Variants in AVEN observed in about 807,000 individuals in gnomAD.
The protein encoded by AVEN is cell death regulator Aven.
In AVEN, 41 loss-of-function variants were observed where a neutral mutation model predicts 38.1. The ratio of observed to expected loss-of-function variants is 1.08; its 90% CI spans 0.84 to 1.40. The LOEUF (loss-of-function observed/expected upper bound fraction) is 1.40, where lower values mean the gene tolerates loss of function less well. Ranked by LOEUF, AVEN falls within the 40% of genes most tolerant of loss-of-function variation. The pLI, the probability that AVEN is intolerant of heterozygous loss-of-function variation, is 0.00. For synonymous variants in AVEN, 206 were observed against 171.8 expected, an observed-to-expected ratio of 1.20 and a Z score of -1.56; for missense variants, 605 against 438.8, an observed-to-expected ratio of 1.38 and a Z score of -3.38.
chr15:34,007,776 A>T (rs1280924793), intron 1 of AVEN, among the ~76,000 whole-genome samples: 2 of 152,186 alleles, frequency 1.3e-5, no homozygotes, highest in Admixed American at 6.5e-5. Context: ...GAAATCTGAA[A>T]TCTGGGTATT....
At chr15:33,908,192 T>C (rs532513993) in intron 2 of AVEN, among the ~76,000 whole-genome samples, 44 of 152,332 alleles carry the variant, frequency 2.9e-4, no homozygotes, top group African/African-American at 1.0e-3. Flanking sequence ...CCACTATCTG[T>C]CCCTAGAACT....
intron 1 of AVEN, among the ~76,000 whole-genome samples, chr15:34,019,818 T>C (rs1049136091): frequency 3.9e-5 from 6 of 152,220 alleles, no homozygotes; most frequent in South Asian, 2.1e-4. Context: ...CTCTATGGTA[T>C]TGCACAATGA....
chr15:33,965,666 T>C (rs1053375004), intron 2 of AVEN, among the ~76,000 whole-genome samples: 1 of 152,066 alleles, frequency 6.6e-6, no homozygotes, highest in African/African-American at 2.4e-5. Context: ...TGAGAATACA[T>C]AGAGTTGTAA....
Position 33,875,980 on chromosome 15 carries a change from T to C in AVEN, c.461A>G (p.Gln154Arg), listed in dbSNP as rs764388449. 1.2e-6 allele frequency: 2 copies of C among 1,613,132 alleles called. No homozygotes were observed. Among genetic ancestry groups the C allele is most frequent in the Admixed American group, 1.7e-5 (1 of 59,978 alleles). Residue 154 changes from glutamine to arginine, a missense_variant, in exon 3 of 6, where the codon CAG becomes CGG. Physicochemically the swap from Gln to Arg is conservative, Grantham distance 43. Transcript: ENST00000306730. ...LLSSAGDSFS[Q>R]FRFAEEKEWD... ...TTCTTTCTCCTCAGCAAACCGGAAC[T>C]GTGAGAATGAGTCCCCTAGGAATAG... is the stretch of plus-strand genomic sequence containing the variant.
At chr15:34,053,319 A>AT (rs1555520677) in intron 5 of AVEN, among the ~76,000 whole-genome samples, 601 of 41,892 alleles carry the variant, frequency 0.014, 1 homozygote, top group Middle Eastern at 0.043. Flanking sequence ...AAAAAAAAAA[A>AT]ATATATATAT....
At chr15:34,015,506 T>A (rs374379841) in intron 1 of AVEN, among the ~76,000 whole-genome samples, 3 of 151,956 alleles carry the variant, frequency 2.0e-5, no homozygotes, top group African/African-American at 7.3e-5. Context: ...AATAAAAAAA[T>A]TCCACAAAAT....
At chr15:34,031,647 A>G (rs1031523100) in intron 1 of AVEN, among the ~76,000 whole-genome samples, 3 of 151,548 alleles carry the variant, frequency 2.0e-5, no homozygotes, top group African/African-American at 7.3e-5. Flanking sequence ...TTTTTTTTGG[A>G]TTGTTGTGCT....
chr15:33,865,221 G>C (rs1266422222), downstream of AVEN: 1 of 1,610,494 alleles, frequency 6.2e-7, no homozygotes, highest in African/African-American at 1.3e-5. Context: ...AGATCAGCTT[G>C]GATAAATCTG....
intron 2 of AVEN, among the ~76,000 whole-genome samples, chr15:33,920,123 T>C (rs934548406): frequency 6.6e-6 from 1 of 152,224 alleles, no homozygotes; most frequent in Admixed American, 6.5e-5. Flanking sequence ...GATTTCTTCT[T>C]CTATATGCAA....
chr15:33,983,812 G>A (rs1400094421), intron 2 of AVEN, among the ~76,000 whole-genome samples: 2 of 151,910 alleles, frequency 1.3e-5, no homozygotes, highest in Non-Finnish European at 2.9e-5. Flanking sequence ...AGTGATCAGA[G>A]TTAACATCAT....
At chr15:33,944,690 TCCCA>T (rs1296765186) in intron 2 of AVEN, among the ~76,000 whole-genome samples, 1 of 151,780 alleles carries the variant, frequency 6.6e-6, no homozygotes, top group East Asian at 1.9e-4. Flanking sequence ...GCGCCTGTAG[TCCCA>T]GCTACTCGGG....
In AVEN at chr15:34,063,673, C is replaced by T; in HGVS notation, n.1127-241G>A. Reference sequence around the variant, plus strand: ...GATGAGGACAAGCCCGCCACTGACCCTGTCCTCCAAGTGGTCTACAAGAGT... The same window carrying T: ...GATGAGGACAAGCCCGCCACTGACCTTGTCCTCCAAGTGGTCTACAAGAGT... On this transcript the variant is annotated intron_variant and non_coding_transcript_variant, in intron 4 of 11. Coordinates refer to the AVEN transcript ENST00000675287. The surrounding 1 kb of genome is among the most constrained non-coding windows in gnomAD (Gnocchi z 4.1). The T allele has an allele frequency of 1.2e-6, 2 of 1,614,210 alleles. No homozygotes were observed. Among genetic ancestry groups the T allele is most frequent in the Non-Finnish European group, 1.7e-6 (2 of 1,180,044 alleles).
At chr15:34,015,434 A>C (rs950526781) in intron 1 of AVEN, among the ~76,000 whole-genome samples, 3 of 152,104 alleles carry the variant, frequency 2.0e-5, no homozygotes, top group Admixed American at 2.0e-4. Context: ...GTGAGCCGAG[A>C]TCGCACCACT....
intron 1 of AVEN, among the ~76,000 whole-genome samples, chr15:34,032,951 T>C (rs1339306840): frequency 6.6e-6 from 1 of 152,216 alleles, no homozygotes; most frequent in Non-Finnish European, 1.5e-5. Context: ...ATTCTTAAAA[T>C]ACTTTAAAAA....
intron 2 of AVEN, among the ~76,000 whole-genome samples, chr15:34,000,285 G>A (rs976053935): frequency 1.3e-5 from 2 of 152,132 alleles, no homozygotes; most frequent in African/African-American, 4.8e-5. Context: ...AACTCTGTGA[G>A]ACAGGTGTCT....
chr15:34,014,367 TAA>T (rs1171463772), intron 1 of AVEN, among the ~76,000 whole-genome samples: 3 of 13,564 alleles, frequency 2.2e-4, no homozygotes, highest in Non-Finnish European at 5.5e-4. Flanking sequence ...TCCATCTCAT[TAA>T]AAAAAAAAAA....
chr15:34,010,061 A>C lies in AVEN; in HGVS notation c.268-6852T>G, dbSNP rs1395043500. On this transcript the variant is annotated intron_variant, in intron 1 of 5. Coordinates refer to ENST00000306730, the MANE Select transcript of AVEN (RefSeq NM_020371.3). ...ATGAAGCAAAAACTGACAGAATAGA[A>C]GGGAGAATAGAAAGTTTAACAATAA... Among the ~76,000 whole-genome samples, 3 of 152,302 alleles carry C rather than the reference A, an allele frequency of 2.0e-5. No individual in the cohort carries two copies. The East Asian group carries it at 5.8e-4, about 29-fold the overall frequency.
chr15:34,030,202 TGAG>T (rs1340152279), intron 1 of AVEN, among the ~76,000 whole-genome samples: 1 of 152,072 alleles, frequency 6.6e-6, no homozygotes, highest in African/African-American at 2.4e-5. Context: ...TGCAGGGAGC[TGAG>T]ATCACACCAC....
In AVEN at chr15:33,870,782, C is replaced by A. The variant is rs75639095; in HGVS notation, c.612+153G>T. On this transcript the variant is annotated intron_variant, in intron 4 of 5. Transcript: ENST00000306730. ...AGTAACTTCAAAAAATTTTTGGATT[C>A]TCCTTTAAACTTTACAAAATGCTAC... Among the ~76,000 whole-genome samples, 5 of 152,238 alleles carry A rather than the reference C, an allele frequency of 3.3e-5. No homozygotes were observed. In the East Asian group the frequency reaches 5.8e-4, roughly 18 times the overall value.
Sources: gnomAD v4.1 joint callset for allele counts (sites outside exome capture counted in the v4.1 genomes callset) on GRCh38, gnomAD v4.1.1 for gene constraint, Gnocchi (gnomAD v3.1) non-coding constraint, MANE v1.5 for transcripts, NCBI Gene and HGNC (gene_info 2026-07-23, HGNC 2026-07-21) for gene names.